The following SYT14 variants were observed in gnomAD, a reference collection of about 807,000 sequenced individuals.
SYT14 encodes the protein synaptotagmin 14.
A neutral mutation model predicts 74.2 loss-of-function variants in SYT14; 32 were observed. The observed-to-expected ratio is 0.43, with a 90% CI of 0.33 to 0.58. The LOEUF is 0.58. Ranked by LOEUF, SYT14 falls within the 20% of genes least tolerant of loss-of-function variation. The pLI is 0.05. For missense variants in SYT14, 791 were observed against 981.8 expected (o/e 0.81, Z 2.60); for synonymous variants, 298 against 337.7 (o/e 0.88, Z 1.29).
At chr1:210,009,711 T>A (rs17015532) in intron 2 of SYT14, among the ~76,000 whole-genome samples, 19,994 of 152,068 alleles carry the variant, frequency 0.13, 4,143 homozygotes, top group African/African-American at 0.45. Context: ...TACCAGAACA[T>A]CATACTCATA....
intron 2 of SYT14, among the ~76,000 whole-genome samples, chr1:209,995,691 T>C (rs1383926482): frequency 2.6e-5 from 4 of 152,118 alleles, no homozygotes; most frequent in Admixed American, 6.6e-5. Flanking sequence ...ATTCTTCTCA[T>C]ATGCATACTG....
chr1:210,154,982 A>G (rs994983600), intron 7 of SYT14, among the ~76,000 whole-genome samples: 8 of 152,164 alleles, frequency 5.3e-5, no homozygotes, highest in Non-Finnish European at 1.2e-4. Flanking sequence ...GAATTTGGTC[A>G]GTTAATGAGG....
chr1:209,965,578 A>G (rs986712426), intron 2 of SYT14, among the ~76,000 whole-genome samples: 1 of 152,174 alleles, frequency 6.6e-6, no homozygotes, highest in African/African-American at 2.4e-5. Context: ...TATACCCGGT[A>G]ATGAGATTGC....
chr1:210,075,257 T>C (rs932399627), intron 5 of SYT14, among the ~76,000 whole-genome samples: 2 of 152,072 alleles, frequency 1.3e-5, no homozygotes, highest in African/African-American at 2.4e-5. Flanking sequence ...GTCCTCTCGC[T>C]GTCCAGCTGT....
intron 7 of SYT14, among the ~76,000 whole-genome samples, chr1:210,155,406 TA>T (rs2083248494): frequency 6.6e-6 from 1 of 152,244 alleles, no homozygotes; most frequent in Non-Finnish European, 1.5e-5. Flanking sequence ...TGATAATCTT[TA>T]AACAATAATT....
At chr1:210,045,111 A>G (rs760968630) in intron 5 of SYT14, among the ~76,000 whole-genome samples, 3 of 152,106 alleles carry the variant, frequency 2.0e-5, no homozygotes, top group Non-Finnish European at 4.4e-5. Flanking sequence ...AATATTTACA[A>G]ATTTTCCAGG....
chr1:210,005,661 A>T (rs1017313506), intron 2 of SYT14, among the ~76,000 whole-genome samples: 1 of 151,948 alleles, frequency 6.6e-6, no homozygotes, highest in South Asian at 2.1e-4. Context: ...TGCCAGGAAA[A>T]TAAGTTTTTC....
At chr1:210,098,363 T>G (rs1002394034) in intron 6 of SYT14, among the ~76,000 whole-genome samples, 21 of 152,230 alleles carry the variant, frequency 1.4e-4, no homozygotes, top group Admixed American at 1.4e-3. Context: ...AACTTAATTC[T>G]CTTTTGTTTA....
In SYT14 at chr1:210,088,979, G is replaced by GA. The variant is rs1415662018; in HGVS notation, c.1313-5343_1313-5342insA. On this transcript the variant is annotated intron_variant, in intron 5 of 9. Coordinates refer to ENST00000637265, the Ensembl canonical transcript of SYT14. Reference sequence around the variant, plus strand: ...CGTGCCATGGTGGTTTGCTGCAACCGTCAATCTATCATCTACATTAGGTAT... The same window carrying GA: ...CGTGCCATGGTGGTTTGCTGCAACCGATCAATCTATCATCTACATTAGGTAT... Among the ~76,000 whole-genome samples, 226 of 150,786 alleles carry GA rather than the reference G, an allele frequency of 1.5e-3. 2 individuals carry two copies. The highest frequency in any genetic ancestry group is 2.3e-3 in the Non-Finnish European group (152 of 67,220).
intron 2 of SYT14, among the ~76,000 whole-genome samples, chr1:210,009,434 T>G (rs1287942708): frequency 1.3e-5 from 2 of 152,138 alleles, no homozygotes; most frequent in African/African-American, 4.8e-5. Flanking sequence ...AAAACAGGCA[T>G]TCAGTCAGGG....
intron 5 of SYT14, among the ~76,000 whole-genome samples, chr1:210,083,336 G>T (rs1018081395): frequency 6.6e-6 from 1 of 152,150 alleles, no homozygotes; most frequent in Admixed American, 6.5e-5. Context: ...ATTAATTAAA[G>T]ATTAGACTTT....
chr1:210,121,483 T>TA (rs1367231356), intron 7 of SYT14, among the ~76,000 whole-genome samples: 1 of 152,168 alleles, frequency 6.6e-6, no homozygotes, highest in Non-Finnish European at 1.5e-5. Flanking sequence ...GTTTTTGAGA[T>TA]ACAACTTTTT....
intron 5 of SYT14, 94 bp downstream of exon 4, chr1:210,021,348 C>A: frequency 9.1e-7 from 1 of 1,094,974 alleles, no homozygotes; most frequent in Non-Finnish European, 1.4e-6. Flanking sequence ...GCAGAATAAA[C>A]AAGAGAGCAC....
intron 1 of SYT14, among the ~76,000 whole-genome samples, chr1:209,942,362 C>G (rs1047520715): frequency 9.2e-5 from 2 of 21,696 alleles, no homozygotes; most frequent in African/African-American, 1.6e-4. Flanking sequence ...GCAAATTTAC[C>G]CCCCCCCCCC....
At chr1:210,141,209 C>G (rs2082908396) in intron 7 of SYT14, among the ~76,000 whole-genome samples, 1 of 152,098 alleles carries the variant, frequency 6.6e-6, no homozygotes, top group Non-Finnish European at 1.5e-5. Context: ...TGATTTCTTT[C>G]AAAAGTGTCT....
chr1:210,059,760 G>T (rs1473916462), intron 5 of SYT14, among the ~76,000 whole-genome samples: 3 of 152,040 alleles, frequency 2.0e-5, no homozygotes, highest in African/African-American at 7.2e-5. Flanking sequence ...CTTATTGTGA[G>T]TGTTAAGAGT....
intron 2 of SYT14, among the ~76,000 whole-genome samples, chr1:209,969,255 A>T (rs2079205909): frequency 6.6e-6 from 1 of 151,888 alleles, no homozygotes; most frequent in African/African-American, 2.4e-5. Context: ...TCTTTTGGAG[A>T]TACCTGGTAA....
chr1:210,016,003 A>T, exon 4 of SYT14: 1 of 1,232,078 alleles, frequency 8.1e-7, no homozygotes, highest in Non-Finnish European at 1.0e-6. Flanking sequence ...GGAATTAGAA[A>T]ATGGCATTTT....
At chr1:210,052,000 T>G (rs2081005586) in intron 5 of SYT14, among the ~76,000 whole-genome samples, 1 of 152,190 alleles carries the variant, frequency 6.6e-6, no homozygotes, top group Non-Finnish European at 1.5e-5. Flanking sequence ...TTGGACCCTT[T>G]TTTGCATATG....
Sources: gnomAD v4.1 joint callset for allele counts (sites outside exome capture counted in the v4.1 genomes callset) on GRCh38, gnomAD v4.1.1 for gene constraint, MANE v1.5 for transcripts, NCBI Gene and HGNC (gene_info 2026-07-23, HGNC 2026-07-21) for gene names.